Variants in IGSF10 observed in about 807,000 individuals in gnomAD.
The protein encoded by IGSF10 is immunoglobulin superfamily member 10.
A neutral mutation model predicts 128.2 loss-of-function variants in IGSF10; 126 were observed. That is an observed-to-expected ratio of 0.98 (90% CI 0.85 to 1.14). The LOEUF (loss-of-function observed/expected upper bound fraction) is 1.14. Among genes scored for constraint, IGSF10 ranks in the 50% most tolerant of loss-of-function variants. The pLI, the probability that IGSF10 is intolerant of heterozygous loss-of-function variation, is 0.00. For synonymous variants in IGSF10, 1,185 were observed against 1,146.2 expected (o/e 1.03, Z -0.68); for missense variants, 3,295 against 3,149.8 (o/e 1.05, Z -1.10).
downstream of IGSF10, chr3:151,432,931 C>CAT: frequency 1.6e-6 from 1 of 637,544 alleles, no homozygotes; most frequent in Non-Finnish European, 2.4e-6. Context: ...ATATTTTATG[C>CAT]TACATCTCAC....
chr3:151,440,735 A>C, intron 7 of IGSF10: 1 of 441,078 alleles, frequency 2.3e-6, no homozygotes, highest in Middle Eastern at 3.8e-4. Context: ...CACCTCCAGA[A>C]TTTGACTTAA....
Position 151,443,429 on chromosome 3 carries a change from C to T in IGSF10, c.5518G>A (p.Ala1840Thr). The T allele has an allele frequency of 5.0e-6, 8 of 1,614,206 alleles. No individual in the cohort carries two copies. Among genetic ancestry groups the T allele is most frequent in the Non-Finnish European group, 6.8e-6 (8 of 1,180,042 alleles). ...SLLVKIQVIA[A>T]PPVILEQRRQ... ...CTTTGCTCTAGAATAACAGGTGGTG[C>T]TGCAATGACTTGTATTTTAACCAGC... The change falls in exon 7 of 8, where the codon GCA becomes ACA. Residue 1840 changes from alanine to threonine, a missense_variant. Ala to Thr is a moderately conservative substitution (Grantham distance 58, BLOSUM62 0). Coordinates refer to ENST00000282466, the MANE Select transcript of IGSF10 (RefSeq NM_178822.5).
the IGSF10 span, among the ~76,000 whole-genome samples, chr3:151,515,268 C>A: frequency 6.6e-6 from 1 of 151,878 alleles, no homozygotes; most frequent in Non-Finnish European, 1.5e-5. Context: ...CACATGTATG[C>A]CATGGAATAC....
intron 4 of IGSF10, among the ~76,000 whole-genome samples, chr3:151,456,519 G>T (rs898825084): frequency 2.6e-5 from 4 of 151,980 alleles, no homozygotes; most frequent in Non-Finnish European, 5.9e-5. Context: ...TTTTCTCTAG[G>T]CTTATTTTAC....
At chr3:151,510,252 G>A in the IGSF10 span, among the ~76,000 whole-genome samples, 84 of 152,278 alleles carry the variant, frequency 5.5e-4, no homozygotes, top group African/African-American at 1.9e-3. Context: ...CACCTCACAC[G>A]GCCGGGTACT....
rs1018302084 is a variant in IGSF10, at chr3:151,447,534, A to G, written c.2447T>C (p.Leu816Pro). 1.2e-6 allele frequency: 2 copies of G among 1,614,192 alleles called. No individual in the cohort carries two copies. The highest frequency in any genetic ancestry group is 3.3e-5 in the Admixed American group (2 of 60,028). ...GTCAGCAGTCACTGTCCTTGCTGGA[A>G]GGTTCAAAGCTTTAGTGGCCGGGAC... ...FMVPATKALN[L>P]PARTVTADSR... Residue 816 changes from leucine (L) to proline (P), a missense_variant, in exon 6 of 8, where the codon CTT (leucine) becomes CCT (proline). Physicochemically the swap from Leu to Pro is moderately conservative, Grantham distance 98. Coordinates refer to ENST00000282466, the MANE Select transcript of IGSF10 (RefSeq NM_178822.5).
the IGSF10 span, among the ~76,000 whole-genome samples, chr3:151,584,560 A>T: frequency 6.6e-6 from 1 of 152,308 alleles, no homozygotes; most frequent in Admixed American, 6.5e-5. Flanking sequence ...ACAGCCTGAT[A>T]CAGTGATGTG....
At chr3:151,468,053 T>C in the IGSF10 span, among the ~76,000 whole-genome samples, 6 of 152,118 alleles carry the variant, frequency 3.9e-5, no homozygotes, top group Non-Finnish European at 8.8e-5. Flanking sequence ...CTTAGAGACA[T>C]TGTTTGTGAA....
chr3:151,590,465 G>A, the IGSF10 span, among the ~76,000 whole-genome samples: 2 of 152,138 alleles, frequency 1.3e-5, no homozygotes, highest in Non-Finnish European at 2.9e-5. Context: ...AACAATGCAA[G>A]CATTATTGGA....
the IGSF10 span, among the ~76,000 whole-genome samples, chr3:151,502,579 C>T: frequency 1.6e-4 from 25 of 151,964 alleles, no homozygotes; most frequent in Non-Finnish European, 2.2e-4. Context: ...GTATTTACTT[C>T]GATCTGTTTT....
chr3:151,498,974 A>T, the IGSF10 span, among the ~76,000 whole-genome samples: 3 of 151,986 alleles, frequency 2.0e-5, no homozygotes, highest in Non-Finnish European at 4.4e-5. Context: ...TTTTCAAGAG[A>T]TCTAACAAAT....
chr3:151,531,246 T>C, the IGSF10 span, among the ~76,000 whole-genome samples: 5,194 of 152,166 alleles, frequency 0.034, 208 homozygotes, highest in African/African-American at 0.096. Flanking sequence ...AGTGGGAGAC[T>C]TTAACACCCC....
Position 151,446,491 on chromosome 3 carries a change from G to A in IGSF10, c.3490C>T (p.Arg1164Cys), listed in dbSNP as rs775369318. The change falls in exon 6 of 8, where the codon CGT becomes TGT. Residue 1164 changes from arginine (R) to cysteine (C), a missense_variant. Coordinates refer to ENST00000282466, the MANE Select transcript of IGSF10 (RefSeq NM_178822.5). ...TTAGCTTCATTGGTGCTAGACACAC[G>A]TGGGTAACTGGCGTTTACTTTGTGA... is the stretch of plus-strand genomic sequence containing the variant. ...KTHKVNASYPRVSSTNEAKRD... is the reference protein window; with the variant it reads ...KTHKVNASYPCVSSTNEAKRD... 21 of 1,614,040 alleles carry A rather than the reference G, an allele frequency of 1.3e-5. No individual in the cohort carries two copies. The highest frequency in any genetic ancestry group is 1.6e-4 in the Middle Eastern group (1 of 6,084).
the IGSF10 span, among the ~76,000 whole-genome samples, chr3:151,480,435 T>C: frequency 6.6e-6 from 1 of 152,018 alleles, no homozygotes; most frequent in Non-Finnish European, 1.5e-5. Context: ...CTTCACAGGG[T>C]CTAAGCCCAG....
At position 151,447,342 on chromosome 3, in the gene IGSF10, C is replaced by T; in HGVS notation, c.2639G>A (p.Ser880Asn). 6.2e-7 allele frequency: 1 copy of T among 1,614,152 alleles called. No individual in the cohort carries two copies. Among genetic ancestry groups the T allele is most frequent in the South Asian group, 1.1e-5 (1 of 91,086 alleles). The stretch of plus-strand genomic sequence containing the variant: ...TTGATTGGTTGTGCCTTGTATTTGG[C>T]TTGACATGGTTGGGTTTATATTCTT... The part of the protein sequence containing the change: ...MSKNINPTMS[S>N]QIQGTTNQHS... The change falls in exon 6 of 8, where the codon AGC becomes AAC. Residue 880 changes from serine (S) to asparagine (N), a missense_variant. Transcript: ENST00000282466.
At chr3:151,615,354 T>C in the IGSF10 span, among the ~76,000 whole-genome samples, 1 of 152,168 alleles carries the variant, frequency 6.6e-6, no homozygotes, top group African/African-American at 2.4e-5. Flanking sequence ...TATTTCACCA[T>C]ATAAATACAG....
At chr3:151,512,652 CA>C in the IGSF10 span, among the ~76,000 whole-genome samples, 2 of 151,434 alleles carry the variant, frequency 1.3e-5, no homozygotes, top group Admixed American at 6.6e-5. Context: ...AAAAACCCTT[CA>C]AAAAAAATCA....
chr3:151,453,506 G>C lies in IGSF10; in HGVS notation c.593C>G (p.Thr198Ser), dbSNP rs1721617488. 15 of 1,613,924 alleles carry C rather than the reference G, an allele frequency of 9.3e-6. No homozygotes were observed. Among genetic ancestry groups the C allele is most frequent in the Non-Finnish European group, 1.3e-5 (15 of 1,179,928 alleles). Residue 198 changes from threonine (T) to serine (S), a missense_variant, in exon 5 of 8, where the codon ACC (threonine) becomes AGC (serine). Physicochemically the swap from Thr to Ser is moderately conservative, Grantham distance 58. Transcript: ENST00000282466. ...KFLYLSDNFL[T>S]SLPQEMVSYM... ...GGAGACCATCTCTTGAGGGAGGGAG[G>C]TCAGGAAGTTATCAGACAAGTATAG...
the IGSF10 span, among the ~76,000 whole-genome samples, chr3:151,485,626 A>G: frequency 6.6e-6 from 1 of 152,324 alleles, no homozygotes; most frequent in East Asian, 1.9e-4. Flanking sequence ...TACAAGCCAG[A>G]AGAGAGTGGG....
Sources: allele counts gnomAD v4.1 joint callset (sites outside exome capture counted in the v4.1 genomes callset), GRCh38; gene constraint gnomAD v4.1.1; transcripts MANE v1.5; gene names NCBI Gene and HGNC (gene_info 2026-07-23, HGNC 2026-07-21).